Variants in LRP2 observed in about 807,000 individuals in gnomAD.
LRP2 encodes the protein LDL receptor related protein 2.
LRP2 carries 172 observed loss-of-function variants against 531.0 expected under a neutral mutation model. That is an observed-to-expected ratio of 0.32 (90% CI 0.29 to 0.37). The LOEUF (loss-of-function observed/expected upper bound fraction) is 0.37. LRP2 is among the 10% of genes least tolerant of loss of function. LRP2 has a pLI of 1.00. For missense variants in LRP2, 5,167 were observed against 5,868.3 expected (o/e 0.88, Z 3.90); for synonymous variants, 1,992 against 2,027.6 (o/e 0.98, Z 0.47).
chr2:169,182,411 A>C (rs925583660), intron 50 of LRP2, 92 bp from the exon 51 acceptor site: 2 of 1,596,528 alleles, frequency 1.3e-6, no homozygotes, highest in Admixed American at 1.7e-5. Flanking sequence ...CTACCTGAGA[A>C]TCACAGACAG....
chr2:169,147,364 C>T (rs2105349229), intron 68 of LRP2, among the ~76,000 whole-genome samples: 1 of 152,242 alleles, frequency 6.6e-6, no homozygotes, highest in Non-Finnish European at 1.5e-5. Context: ...ACTCTGTTGC[C>T]CAGGCTGGAA....
intron 1 of LRP2, among the ~76,000 whole-genome samples, chr2:169,358,226 G>T (rs1169260627): frequency 1.3e-5 from 2 of 152,138 alleles, no homozygotes; most frequent in African/African-American, 4.8e-5. Context: ...CTAAAAAATG[G>T]TCCACTGCAA....
intron 1 of LRP2, among the ~76,000 whole-genome samples, chr2:169,350,167 G>A (rs1228461520): frequency 6.6e-6 from 1 of 152,178 alleles, no homozygotes; most frequent in Non-Finnish European, 1.5e-5. Context: ...AGTCAAAGTA[G>A]GATACAGTTT....
At chr2:169,153,907 G>C (rs891182866) in intron 66 of LRP2, among the ~76,000 whole-genome samples, 2 of 152,178 alleles carry the variant, frequency 1.3e-5, no homozygotes, top group African/African-American at 4.8e-5. Flanking sequence ...ACTAGATGTT[G>C]GGTCAGCTGC....
intron 3 of LRP2, among the ~76,000 whole-genome samples, chr2:169,313,300 T>C (rs1312995733): frequency 1.3e-5 from 2 of 152,204 alleles, no homozygotes; most frequent in African/African-American, 4.8e-5. Flanking sequence ...ATTTTTAGAA[T>C]TTTCAGCTTT....
intron 12 of LRP2, 71 bp downstream of exon 12, chr2:169,279,301 G>T: frequency 9.3e-7 from 1 of 1,078,074 alleles, no homozygotes; most frequent in Non-Finnish European, 1.4e-6. Context: ...TAATCCAGTA[G>T]ATGTTCAGTG....
intron 31 of LRP2, among the ~76,000 whole-genome samples, chr2:169,227,484 G>T (rs1379583567): frequency 2.0e-5 from 3 of 152,072 alleles, no homozygotes; most frequent in Non-Finnish European, 4.4e-5. Context: ...CAAGAGTGGG[G>T]TTTTAAAATT....
At chr2:169,216,796 T>C (rs889844442) in intron 34 of LRP2, among the ~76,000 whole-genome samples, 1 of 152,104 alleles carries the variant, frequency 6.6e-6, no homozygotes. Context: ...AAAGCTAATA[T>C]AAAAAGCTGC....
chr2:169,296,734 T>G (rs1214560205), intron 4 of LRP2, among the ~76,000 whole-genome samples: 1 of 152,148 alleles, frequency 6.6e-6, no homozygotes, highest in Admixed American at 6.6e-5. Flanking sequence ...TCTCGTTTTC[T>G]TCATCCTGCT....
intron 15 of LRP2, chr2:169,271,903 A>G (rs1390893694): frequency 1.3e-5 from 2 of 152,822 alleles, no homozygotes; most frequent in Admixed American, 1.3e-4. Flanking sequence ...AACAGCAAAG[A>G]GGAGACTGTG....
At chr2:169,140,001 C>T (rs958018447) in intron 72 of LRP2, among the ~76,000 whole-genome samples, 1 of 152,222 alleles carries the variant, frequency 6.6e-6, no homozygotes, top group East Asian at 1.9e-4. Context: ...TTTCGCAACA[C>T]AGTCATCTTC....
intron 9 of LRP2, 90 bp downstream of exon 9, chr2:169,288,936 C>T: frequency 6.3e-7 from 1 of 1,596,654 alleles, no homozygotes; most frequent in Non-Finnish European, 8.6e-7. Flanking sequence ...GACGACTCTC[C>T]ACAAGTGCAA....
At chr2:169,135,701 G>A (rs957440078) in intron 76 of LRP2, among the ~76,000 whole-genome samples, 2 of 139,952 alleles carry the variant, frequency 1.4e-5, no homozygotes, top group Admixed American at 7.3e-5. Context: ...ATTCAGGCCT[G>A]TCCTCAGAAT....
chr2:169,289,962 G>C (rs1219801232), intron 8 of LRP2, among the ~76,000 whole-genome samples: 2 of 152,078 alleles, frequency 1.3e-5, no homozygotes, highest in Non-Finnish European at 2.9e-5. Flanking sequence ...AAATAACCTT[G>C]GGGTTGCAGT....
chr2:169,219,913 A>G (rs1291903783), intron 34 of LRP2, among the ~76,000 whole-genome samples: 2 of 152,128 alleles, frequency 1.3e-5, no homozygotes, highest in Admixed American at 6.5e-5. Flanking sequence ...TTTGTCCCCA[A>G]ATGACCTTAT....
intron 34 of LRP2, among the ~76,000 whole-genome samples, chr2:169,217,179 T>C (rs1383056755): frequency 6.6e-6 from 1 of 152,182 alleles, no homozygotes; most frequent in Non-Finnish European, 1.5e-5. Context: ...ACCCAACTTT[T>C]AATTCCTTTT....
chr2:169,219,790 C>A (rs1688923101), intron 34 of LRP2, among the ~76,000 whole-genome samples: 1 of 150,982 alleles, frequency 6.6e-6, no homozygotes, highest in Admixed American at 6.6e-5. Context: ...GCACATGTGC[C>A]CCCTATAACT....
At position 169,171,996 on chromosome 2, in the gene LRP2, T is replaced by G; in HGVS notation, c.11263+19A>C. 2 of 1,613,936 alleles carry G rather than the reference T, an allele frequency of 1.2e-6. No individual in the cohort carries two copies. Among genetic ancestry groups the G allele is most frequent in the Non-Finnish European group, 1.7e-6 (2 of 1,179,876 alleles). ...CAGCTCTGGTGGTATATAAGGACCATAGGACTGTGAACACTCACCACAGTT... is the reference window on the plus strand; with the variant it reads ...CAGCTCTGGTGGTATATAAGGACCAGAGGACTGTGAACACTCACCACAGTT... On this transcript the variant is annotated intron_variant, in intron 58 of 78. Transcript: ENST00000649046.
chr2:169,332,034 C>A (rs1685282876), intron 1 of LRP2, among the ~76,000 whole-genome samples: 1 of 152,160 alleles, frequency 6.6e-6, no homozygotes, highest in African/African-American at 2.4e-5. Flanking sequence ...TAATTAGGTC[C>A]AAGTGTTGAA....
Sources: gnomAD v4.1 joint callset for allele counts (sites outside exome capture counted in the v4.1 genomes callset) on GRCh38, gnomAD v4.1.1 for gene constraint, MANE v1.5 for transcripts, NCBI Gene and HGNC (gene_info 2026-07-23, HGNC 2026-07-21) for gene names.